The following PPHLN1 variants were observed in gnomAD, a reference collection of about 807,000 sequenced individuals.
PPHLN1 encodes periphilin 1.
In PPHLN1, 29 loss-of-function variants were observed where a neutral mutation model predicts 51.3. The ratio of observed to expected loss-of-function variants is 0.57; its 90% CI spans 0.42 to 0.77. The LOEUF is 0.77. Among genes scored for constraint, PPHLN1 ranks in the 30% least tolerant of loss-of-function variants. The pLI is 0.00. For synonymous variants in PPHLN1, 147 were observed against 147.8 expected, an observed-to-expected ratio of 0.99 and a Z score of 0.04; for missense variants, 436 against 438.4, an observed-to-expected ratio of 0.99 and a Z score of 0.05.
intron 9 of PPHLN1, among the ~76,000 whole-genome samples, chr12:42,410,165 A>G (rs772171706): frequency 2.7e-5 from 4 of 147,070 alleles, no homozygotes; most frequent in Admixed American, 7.0e-5. Flanking sequence ...ACATACAAAT[A>G]TGTTTTCATT....
intron 4 of PPHLN1, among the ~76,000 whole-genome samples, chr12:42,370,282 T>C (rs1592476097): frequency 1.3e-5 from 2 of 152,346 alleles, no homozygotes; most frequent in Non-Finnish European, 2.9e-5. Context: ...CTGCAAATGC[T>C]GAGGCAGGTA....
intron 2 of PPHLN1, among the ~76,000 whole-genome samples, chr12:42,336,339 A>C (rs189348078): frequency 4.1e-4 from 62 of 152,318 alleles, no homozygotes; most frequent in Non-Finnish European, 7.4e-5. Context: ...ATATTCCTAA[A>C]AATGTTACAA....
At chr12:42,366,823 T>C (rs1292048631) in intron 4 of PPHLN1, among the ~76,000 whole-genome samples, 1 of 152,206 alleles carries the variant, frequency 6.6e-6, no homozygotes, top group Non-Finnish European at 1.5e-5. Flanking sequence ...ACTAGGGATT[T>C]AATGGTCCTA....
chr12:42,417,967 TCTCG>T (rs1445048060), intron 9 of PPHLN1, among the ~76,000 whole-genome samples: 1 of 113,160 alleles, frequency 8.8e-6, no homozygotes, highest in Non-Finnish European at 1.7e-5. Flanking sequence ...TGAGACAGAG[TCTCG>T]CTCTGTCGCC....
chr12:42,423,100 G>T (rs1031522205), intron 9 of PPHLN1, among the ~76,000 whole-genome samples: 9 of 152,108 alleles, frequency 5.9e-5, no homozygotes, highest in African/African-American at 2.2e-4. Context: ...TTCTTGGAAG[G>T]AACTTAATAT....
chr12:42,332,071 T>G (rs1301574069), intron 1 of PPHLN1, among the ~76,000 whole-genome samples: 2 of 152,078 alleles, frequency 1.3e-5, no homozygotes, highest in African/African-American at 4.8e-5. Flanking sequence ...CCAGGTGTGG[T>G]GGTATGCCTG....
chr12:42,370,604 C>T lies in PPHLN1; in HGVS notation c.300-4259C>T, dbSNP rs549713835. On this transcript the variant is annotated intron_variant, in intron 4 of 9. Coordinates refer to ENST00000358314, the MANE Select transcript of PPHLN1 (RefSeq NM_201439.2). ...TTTTTGTGTCTTGCGTTATCAGTTTCCCCTTTTATAGTGAATTGGCTTTTT... is the reference window on the plus strand; with the variant it reads ...TTTTTGTGTCTTGCGTTATCAGTTTTCCCTTTTATAGTGAATTGGCTTTTT... Among the ~76,000 whole-genome samples, 12 of 152,226 alleles carry T rather than the reference C, an allele frequency of 7.9e-5. No individual in the cohort carries two copies. The South Asian group carries it at 2.5e-3, about 32-fold the overall frequency.
At chr12:42,403,432 T>G (rs1047362903) in intron 9 of PPHLN1, among the ~76,000 whole-genome samples, 2 of 152,234 alleles carry the variant, frequency 1.3e-5, no homozygotes, top group Non-Finnish European at 2.9e-5. Context: ...TACCAGATTC[T>G]GGTCATGCTG....
chr12:42,428,549 T>C (rs1313892585), intron 9 of PPHLN1, among the ~76,000 whole-genome samples: 4 of 152,130 alleles, frequency 2.6e-5, no homozygotes, highest in Non-Finnish European at 4.4e-5. Context: ...CTCACTCATA[T>C]GTGGGAGCTA....
At chr12:42,349,398 GTT>G (rs1592281540) in intron 2 of PPHLN1, among the ~76,000 whole-genome samples, 1 of 146,266 alleles carries the variant, frequency 6.8e-6, no homozygotes, top group Non-Finnish European at 1.5e-5. Flanking sequence ...TGTAAGTTTT[GTT>G]TTGTTTTTTA....
At chr12:42,412,815 T>G (rs913549966) in intron 9 of PPHLN1, among the ~76,000 whole-genome samples, 6 of 152,190 alleles carry the variant, frequency 3.9e-5, no homozygotes, top group African/African-American at 1.2e-4. Context: ...ATAATTGCCC[T>G]CCTGGCTAGG....
chr12:42,331,356 G>GA (rs1243305206), intron 1 of PPHLN1, among the ~76,000 whole-genome samples: 7 of 152,120 alleles, frequency 4.6e-5, no homozygotes, highest in Non-Finnish European at 1.0e-4. Context: ...TGGTTAAAAT[G>GA]AAAAAACAGA....
chr12:42,410,318 A>AT (rs2079694473), intron 9 of PPHLN1, among the ~76,000 whole-genome samples: 1 of 152,148 alleles, frequency 6.6e-6, no homozygotes, highest in Non-Finnish European at 1.5e-5. Flanking sequence ...AGCATGTCTG[A>AT]TTTTTTTAAA....
chr12:42,376,973 TAAG>T (rs974631410), intron 5 of PPHLN1, among the ~76,000 whole-genome samples: 6 of 152,222 alleles, frequency 3.9e-5, no homozygotes, highest in Non-Finnish European at 7.4e-5. Context: ...AAAAAAACCT[TAAG>T]AAGATAAACA....
intron 4 of PPHLN1, among the ~76,000 whole-genome samples, chr12:42,369,703 T>C (rs780061999): frequency 2.0e-5 from 3 of 152,192 alleles, no homozygotes; most frequent in Non-Finnish European, 4.4e-5. Flanking sequence ...TGCAATGAGA[T>C]TTGAAACTTT....
rs566951253 is a variant in PPHLN1, at chr12:42,423,288, C to T, written c.910-18027C>T. On this transcript the variant is annotated intron_variant, in intron 9 of 9. Transcript: ENST00000358314. The stretch of plus-strand genomic sequence containing the variant: ...ATATAATAGTATTTATGGATTTTCC[C>T]CACTGTACATAATGCCTTCAGAGAT... Among the ~76,000 whole-genome samples the T allele has an allele frequency of 4.4e-4, 67 of 151,990 alleles. 1 individual carries two copies. In the Middle Eastern group the frequency reaches 0.014, roughly 31 times the overall value.
chr12:42,352,204 C>A (rs574238165), intron 3 of PPHLN1, among the ~76,000 whole-genome samples, 155 bp downstream of exon 3: 1 of 152,116 alleles, frequency 6.6e-6, no homozygotes, highest in African/African-American at 2.4e-5. Flanking sequence ...TCAGATGGGA[C>A]CTAATAGTCA....
intron 1 of PPHLN1, among the ~76,000 whole-genome samples, chr12:42,328,613 C>G (rs2069166105): frequency 6.6e-6 from 1 of 152,250 alleles, no homozygotes; most frequent in Non-Finnish European, 1.5e-5. Context: ...GGATCTCCTA[C>G]TAAGTTTAGT....
chr12:42,354,993 C>T (rs1238593484), intron 3 of PPHLN1, among the ~76,000 whole-genome samples, 168 bp from the exon 4 acceptor site: 1 of 152,196 alleles, frequency 6.6e-6, no homozygotes, highest in Non-Finnish European at 1.5e-5. Flanking sequence ...GGTTCTCAGT[C>T]AGTCTACTCT....
Sources: gnomAD v4.1 joint callset for allele counts (sites outside exome capture counted in the v4.1 genomes callset) on GRCh38, gnomAD v4.1.1 for gene constraint, MANE v1.5 for transcripts, NCBI Gene and HGNC (gene_info 2026-07-23, HGNC 2026-07-21) for gene names.